The following ATP2B4 variants were observed in gnomAD, a reference collection of about 807,000 sequenced individuals.
ATP2B4 encodes ATPase plasma membrane Ca2+ transporting 4, also known as plasma membrane calcium-transporting ATPase 4.
ATP2B4 carries 39 observed loss-of-function variants against 110.3 expected under a neutral mutation model. The observed-to-expected ratio is 0.35, with a 90% CI of 0.27 to 0.46. The LOEUF is 0.46. ATP2B4 is among the 20% of genes least tolerant of loss of function. The pLI, the probability that ATP2B4 is intolerant of heterozygous loss-of-function variation, is 1.00. For missense variants in ATP2B4, 1,135 were observed against 1,530.9 expected (o/e 0.74, Z 4.32); for synonymous variants, 538 against 571.7 (o/e 0.94, Z 0.84).
intron 1 of ATP2B4, among the ~76,000 whole-genome samples, chr1:203,640,389 C>T (rs1465975768): frequency 6.6e-6 from 1 of 152,212 alleles, no homozygotes; most frequent in Admixed American, 6.5e-5. Flanking sequence ...ACAATCATGG[C>T]TCACTGCAAC....
rs148252529 is a variant in ATP2B4 at position 203,691,453 on chromosome 1, A to C, written c.194-6704A>C. ...GAAGGTGGCAGAGTGGCAGAGCAGA[A>C]AGCTAACTAGAGAGCTCTAGGGAGA... On this transcript the variant is annotated intron_variant, in intron 2 of 20. Coordinates refer to ENST00000357681, the MANE Select transcript of ATP2B4 (RefSeq NM_001684.5). Among the ~76,000 whole-genome samples, 136 of 152,292 alleles carry C rather than the reference A, an allele frequency of 8.9e-4. 1 individual carries two copies. The highest frequency in any genetic ancestry group is 3.0e-3 in the African/African-American group (126 of 41,568).
chr1:203,677,510 G>A (rs1174311931), intron 1 of ATP2B4, among the ~76,000 whole-genome samples: 1 of 152,114 alleles, frequency 6.6e-6, no homozygotes, highest in East Asian at 1.9e-4. Context: ...TCACCCAGGC[G>A]GGAGTGCAGT....
At chr1:203,724,892 T>TC (rs1666462617) in intron 19 of ATP2B4, among the ~76,000 whole-genome samples, 7 of 134,274 alleles carry the variant, frequency 5.2e-5, no homozygotes, top group Non-Finnish European at 9.6e-5. Flanking sequence ...TTTTTTTTTT[T>TC]CTGAGACAGA....
chr1:203,679,464 T>C (rs1344657209), intron 1 of ATP2B4, among the ~76,000 whole-genome samples: 1 of 152,206 alleles, frequency 6.6e-6, no homozygotes, highest in Non-Finnish European at 1.5e-5. Context: ...CAAACAAATC[T>C]TTTCATTCTT....
At chr1:203,711,546 T>C (rs1039572296) in intron 12 of ATP2B4, among the ~76,000 whole-genome samples, 3 of 152,148 alleles carry the variant, frequency 2.0e-5, no homozygotes, top group Non-Finnish European at 2.9e-5. Flanking sequence ...GAGGGTGTCA[T>C]GCATGTGGGA....
chr1:203,695,971 A>G lies in ATP2B4; in HGVS notation c.194-2186A>G, dbSNP rs150702913. On this transcript the variant is annotated intron_variant, in intron 2 of 20. Transcript: ENST00000357681. Reference sequence around the variant, plus strand: ...TTGAGACAGAGTCTCTCTCTCGCCCAGGCTGGAGTGCAGTTGCATGATCTC... The same window carrying G: ...TTGAGACAGAGTCTCTCTCTCGCCCGGGCTGGAGTGCAGTTGCATGATCTC... 7.9e-3 allele frequency among the ~76,000 whole-genome samples: 1,197 copies of G among 152,282 alleles called. 17 individuals carry two copies. The highest frequency in any genetic ancestry group is 0.026 in the African/African-American group (1,093 of 41,562).
chr1:203,740,809 C>A lies in ATP2B4; in HGVS notation c.*955C>A, dbSNP rs1193236150. 2.6e-5 allele frequency: 4 copies of A among 152,212 alleles called. No individual in the cohort carries two copies. The highest frequency in any genetic ancestry group is 9.7e-5 in the African/African-American group (4 of 41,442). The allele number at this position is 152,212 out of a possible 1,614,324, so 9.4% of individuals were successfully genotyped here. On this transcript the variant is annotated 3_prime_UTR_variant, in exon 21 of 21. Coordinates refer to ENST00000357681, the MANE Select transcript of ATP2B4 (RefSeq NM_001684.5). ...AAGAATGAACTGGGTATGACCCTGC[C>A]CCCTTACTGGGCTTGGATATTGAGG...
At chr1:203,668,542 T>G (rs531924358) in intron 1 of ATP2B4, among the ~76,000 whole-genome samples, 1 of 152,324 alleles carries the variant, frequency 6.6e-6, no homozygotes, top group African/African-American at 2.4e-5. Flanking sequence ...TCCAATGTAG[T>G]TAGTTCCCAC....
chr1:203,704,363 A>C (rs1174329957), intron 8 of ATP2B4, among the ~76,000 whole-genome samples: 1 of 149,566 alleles, frequency 6.7e-6, no homozygotes, highest in African/African-American at 2.5e-5. Flanking sequence ...TTGCCTCTAC[A>C]TTTTCCTGTC....
rs1199880853 is a variant in ATP2B4, at chr1:203,683,398, G to A, written c.193G>A (p.Gly65Ser). 2 of 1,604,314 alleles carry A rather than the reference G, an allele frequency of 1.2e-6. No individual in the cohort carries two copies. Among genetic ancestry groups the A allele is most frequent in the Non-Finnish European group, 1.7e-6 (2 of 1,173,560 alleles). The part of the protein sequence containing the change: ...CSRLKTSPVE[G>S]LSGNPADLEK... The stretch of plus-strand genomic sequence containing the variant: ...TAGACTGAAAACCTCCCCTGTGGAA[G>A]GTAAAGGCCATATCAGGGGTGGGGA... The change falls in exon 2 of 21, where the codon GGT becomes AGT. Residue 65 changes from glycine (G) to serine (S), a missense_variant and splice_region_variant. By Grantham distance (56) the Gly-to-Ser change is moderately conservative. Transcript: ENST00000357681.
chr1:203,699,561 G>A lies in ATP2B4; in HGVS notation c.493G>A (p.Val165Met). 6.2e-7 allele frequency: 1 copy of A among 1,614,210 alleles called. No homozygotes were observed. Among genetic ancestry groups the A allele is most frequent in the Non-Finnish European group, 8.5e-7 (1 of 1,180,036 alleles). The change falls in exon 4 of 21, where the codon GTG becomes ATG. Residue 165 changes from valine to methionine, a missense_variant. Val to Met is a conservative substitution (Grantham distance 21, BLOSUM62 1). This residue lies in a region of ATP2B4 where 101 missense variants were observed against 182.6 expected (regional missense o/e 0.55). Transcript: ENST00000357681. ...ILFSVIIVVL[V>M]TAFNDWSKEK... Reference sequence around the variant, plus strand: ...TTTCTCAGTGATCATCGTGGTGTTAGTGACTGCCTTTAATGATTGGAGCAA... The same window carrying A: ...TTTCTCAGTGATCATCGTGGTGTTAATGACTGCCTTTAATGATTGGAGCAA...
rs375089700 is a variant in ATP2B4, at chr1:203,708,030, G to A, written c.1483G>A (p.Val495Ile). ...IHYRQIPSPD[V>I]FLPKVLDLIV... Reference sequence around the variant, plus strand: ...TTACCGTCAAATCCCAAGCCCTGATGTCTTCCTGCCCAAAGTCCTGGACCT... The same window carrying A: ...TTACCGTCAAATCCCAAGCCCTGATATCTTCCTGCCCAAAGTCCTGGACCT... Residue 495 changes from valine (V) to isoleucine (I), a missense_variant, in exon 10 of 21, where the codon GTC becomes ATC. Around this residue, in one of 9 missense-constraint regions of ATP2B4, gnomAD observed 368 missense variants for 455.9 expected, o/e 0.81. Coordinates refer to ENST00000357681, the MANE Select transcript of ATP2B4 (RefSeq NM_001684.5). 61 of 1,614,066 alleles carry A rather than the reference G, an allele frequency of 3.8e-5. No homozygotes were observed. The highest frequency in any genetic ancestry group is 5.1e-5 in the Non-Finnish European group (60 of 1,180,056).
At chr1:203,719,290 C>G (rs1408945521) in intron 15 of ATP2B4, among the ~76,000 whole-genome samples, 1 of 144,190 alleles carries the variant, frequency 6.9e-6, no homozygotes, top group Non-Finnish European at 1.5e-5. Flanking sequence ...ATGTACAAAA[C>G]AAGGTATATT....
At chr1:203,628,175 A>G (rs969760285) in intron 1 of ATP2B4, among the ~76,000 whole-genome samples, 10 of 152,198 alleles carry the variant, frequency 6.6e-5, no homozygotes, top group Admixed American at 5.9e-4. Flanking sequence ...AGAGCTAGGA[A>G]TTAAGACTGG....
chr1:203,692,534 T>C (rs1445248111), intron 2 of ATP2B4, among the ~76,000 whole-genome samples: 1 of 152,178 alleles, frequency 6.6e-6, no homozygotes. Context: ...CTTCTCAAGT[T>C]CCAAAAGAGG....
At chr1:203,640,024 C>T (rs1413211015) in intron 1 of ATP2B4, among the ~76,000 whole-genome samples, 1 of 152,156 alleles carries the variant, frequency 6.6e-6, no homozygotes. Context: ...TGAGTTTTGC[C>T]CTCTTTAAAG....
Position 203,720,668 on chromosome 1 carries a change from G to A in ATP2B4, c.2526G>A (p.Lys842=), listed in dbSNP as rs752098540. ...GAAATGTCTATGACAGCATCTCCAA[G>A]TTCCTGCAGTTCCAGCTCACTGTCA... ...WGRNVYDSIS[K]FLQFQLTVNV... The change falls in exon 16 of 21, where the codon AAG becomes AAA. Residue 842 remains lysine, a synonymous_variant. Coordinates refer to ENST00000357681, the MANE Select transcript of ATP2B4 (RefSeq NM_001684.5). 4.3e-6 allele frequency: 7 copies of A among 1,614,062 alleles called. No individual in the cohort carries two copies. In the African/African-American group the frequency reaches 9.3e-5, roughly 22 times the overall value.
chr1:203,672,080 T>C (rs1379381307), intron 1 of ATP2B4, among the ~76,000 whole-genome samples: 1 of 152,182 alleles, frequency 6.6e-6, no homozygotes, highest in African/African-American at 2.4e-5. Context: ...TTGTCTCTTA[T>C]CCGTAATATA....
At chr1:203,687,994 GATTATTATTATT>G (rs71145015) in intron 2 of ATP2B4, among the ~76,000 whole-genome samples, 2,138 of 138,672 alleles carry the variant, frequency 0.015, 54 homozygotes, top group African/African-American at 0.046. Context: ...GAGAGAAAGA[GATTATTATTATT>G]ATTATTATTA....
Sources: allele counts gnomAD v4.1 joint callset (sites outside exome capture counted in the v4.1 genomes callset), GRCh38; gene constraint gnomAD v4.1.1; regional missense constraint gnomAD v4.1.1; transcripts MANE v1.5; gene names NCBI Gene and HGNC (gene_info 2026-07-23, HGNC 2026-07-21).